Variants in SMARCC2 observed in about 807,000 individuals in gnomAD.
The protein encoded by SMARCC2 is SWI/SNF related BAF chromatin remodeling complex subunit C2, also known as SWI/SNF complex subunit SMARCC2.
SMARCC2 carries 15 observed loss-of-function variants against 151.3 expected under a neutral mutation model. The observed-to-expected ratio is 0.10, with a 90% confidence interval of 0.07 to 0.15. SMARCC2 has a LOEUF of 0.15. SMARCC2 is among the 10% of genes least tolerant of loss of function. The probability of loss-of-function intolerance (pLI) is 1.00; values close to 1 mark genes in which losing one functional copy is unlikely to be tolerated. For missense variants in SMARCC2, 1,031 were observed against 1,599.7 expected (o/e 0.64, Z 6.06); for synonymous variants, 590 against 609.5 (o/e 0.97, Z 0.47).
At chr12:56,186,087 T>A (rs1029395736) in intron 3 of SMARCC2, 68 bp downstream of exon 3, 6 of 1,114,590 alleles carry the variant, frequency 5.4e-6, no homozygotes, top group Middle Eastern at 2.0e-4. Context: ...CCCAGAAAGA[T>A]CCCAGGGAAT....
At chr12:56,166,356 T>C (rs1184564946) in intron 26 of SMARCC2, among the ~76,000 whole-genome samples, 5 of 151,994 alleles carry the variant, frequency 3.3e-5, no homozygotes, top group African/African-American at 1.2e-4. Context: ...TTCACCATGT[T>C]AGCCAGGATG....
intron 11 of SMARCC2, among the ~76,000 whole-genome samples, chr12:56,179,921 G>A (rs1288431429): frequency 2.6e-5 from 4 of 152,020 alleles, no homozygotes; most frequent in Admixed American, 6.6e-5. Flanking sequence ...TCTTGACCTC[G>A]TGATCCGCCT....
chr12:56,169,888 A>G lies in SMARCC2; in HGVS notation c.2436T>C (p.Ala812=). The change falls in exon 24 of 29, where the codon GCT becomes GCC. Residue 812 remains alanine, a synonymous_variant. Transcript: ENST00000550164. ...TTTTCTCTTTTGCTTCCTCCTCTAT[A>G]GCACCCCCTCCTTCTCGGGGTTCCT... ...EPKEPREGGG[A]IEEEAKEKTS... is the part of the protein sequence containing the mutation. 6.2e-7 allele frequency: 1 copy of G among 1,613,522 alleles called. No homozygotes were observed. The highest frequency in any genetic ancestry group is 2.2e-5 in the East Asian group (1 of 44,878).
At position 56,181,232 on chromosome 12, in the gene SMARCC2, T is replaced by C. The variant is rs1020592009; in HGVS notation, c.957-131A>G. The C allele has an allele frequency of 6.8e-6, 6 of 888,714 alleles. No homozygotes were observed. In the Admixed American group the frequency reaches 1.4e-4, roughly 20 times the overall value. The allele number at this position is 888,714 out of a possible 1,614,324, so 55.1% of individuals were successfully genotyped here. On this transcript the variant is annotated intron_variant, in intron 10 of 28. Coordinates refer to ENST00000550164, the MANE Select transcript of SMARCC2 (RefSeq NM_001330288.2). ...GCTGAGTACAAACAGAAACCAGTAA[T>C]CACACAGTAATGGGAAGTGGCAAAG... is the stretch of plus-strand genomic sequence containing the variant.
intron 2 of SMARCC2, chr12:56,186,521 T>C (rs1034361011): frequency 2.6e-6 from 1 of 386,160 alleles, no homozygotes; most frequent in African/African-American, 2.1e-5. Context: ...CGGCTAATTT[T>C]GTATTTTTAG....
chr12:56,172,267 A>G (rs1874093846), intron 20 of SMARCC2, 161 bp downstream of exon 20: 1 of 619,008 alleles, frequency 1.6e-6, no homozygotes, highest in Admixed American at 3.5e-5. Flanking sequence ...TTTTTCGTAG[A>G]GACGGAGTCT....
At chr12:56,187,034 G>C (rs1006620499) in intron 2 of SMARCC2, 153 bp downstream of exon 2, 1 of 667,596 alleles carries the variant, frequency 1.5e-6, no homozygotes, top group African/African-American at 1.8e-5. Context: ...ACTAGGCCAA[G>C]CCAATAATGC....
chr12:56,188,213 T>C (rs1565927321), intron 1 of SMARCC2, among the ~76,000 whole-genome samples: 1 of 152,148 alleles, frequency 6.6e-6, no homozygotes, highest in Non-Finnish European at 1.5e-5. Flanking sequence ...TAGCCTGATC[T>C]CCCTGCAAAA....
rs1873898049 is a variant in SMARCC2 at position 56,171,242 on chromosome 12, A to G, written c.2347+29T>C. ...GGTAGCTCTGGATCTTGTGAAAGGC[A>G]AGAAATCTGGGAACCTGCCTGGCCT... On this transcript the variant is annotated intron_variant, in intron 22 of 28. Coordinates refer to ENST00000550164, the MANE Select transcript of SMARCC2 (RefSeq NM_001330288.2). This position sits in a 1 kb window ranked among gnomAD's most constrained non-coding sequence, Gnocchi z 4.2. The G allele has an allele frequency of 1.2e-6, 2 of 1,611,074 alleles. No individual in the cohort carries two copies. The highest frequency in any genetic ancestry group is 8.5e-7 in the Non-Finnish European group (1 of 1,177,632).
chr12:56,188,093 G>GT lies in SMARCC2; in HGVS notation c.112-788dup, dbSNP rs147796814. ...AGAAGACAGTGCCTCTCAGTGAGAG[G>GT]TGAAAAGAGATAGATCTGTGAAGGG... On this transcript the variant is annotated intron_variant, in intron 1 of 28. Coordinates refer to ENST00000550164, the MANE Select transcript of SMARCC2 (RefSeq NM_001330288.2). 2.5e-3 allele frequency among the ~76,000 whole-genome samples: 378 copies of GT among 152,304 alleles called. 3 individuals are homozygous for GT. The highest frequency in any genetic ancestry group is 8.7e-3 in the African/African-American group (361 of 41,564).
chr12:56,164,844 A>G lies in SMARCC2; in HGVS notation c.3233-113T>C, dbSNP rs1197290605. On this transcript the variant is annotated intron_variant, in intron 27 of 28. Transcript: ENST00000550164. ...TCACTCTGTCACCAGGCTGGAGTGC[A>G]GTGGCACGATCTTGGCTCACTGCAA... 3 of 915,304 alleles carry G rather than the reference A, an allele frequency of 3.3e-6. No homozygotes were observed. In the East Asian group the frequency reaches 7.9e-5, roughly 24 times the overall value. 56.7% of individuals were successfully genotyped at this position (915,304 alleles called of 1,614,324 possible).
intron 10 of SMARCC2, 77 bp from the exon 11 acceptor site, chr12:56,181,178 G>A: frequency 6.9e-7 from 1 of 1,450,858 alleles, no homozygotes; most frequent in Non-Finnish European, 9.5e-7. Flanking sequence ...TTCAAGGGAA[G>A]GGAAGTGACA....
chr12:56,180,854 A>AT, intron 11 of SMARCC2, 123 bp downstream of exon 11: 1 of 1,030,780 alleles, frequency 9.7e-7, no homozygotes, highest in Non-Finnish European at 1.4e-6. Context: ...AACCAGCTAA[A>AT]TTTAAGGAAA....
At chr12:56,167,296 G>A (rs984809950) in intron 26 of SMARCC2, among the ~76,000 whole-genome samples, 16 of 151,558 alleles carry the variant, frequency 1.1e-4, no homozygotes, top group South Asian at 2.1e-4. Context: ...TGTGGTGAGC[G>A]AAGATCACAC....
chr12:56,171,986 C>T lies in SMARCC2; in HGVS notation c.1927-49G>A, dbSNP rs377684873. 38 of 1,533,974 alleles carry T rather than the reference C, an allele frequency of 2.5e-5. No homozygotes were observed. The highest frequency in any genetic ancestry group is 5.9e-5 in the Admixed American group (3 of 51,250). On this transcript the variant is annotated intron_variant, in intron 20 of 28. Coordinates refer to ENST00000550164, the MANE Select transcript of SMARCC2 (RefSeq NM_001330288.2). The surrounding 1 kb of genome is among the most constrained non-coding windows in gnomAD (Gnocchi z 4.2). ...ACTCCGCTTACTTAGCCACTTTTCT[C>T]GAAGGCTGACTCCCCCCATCCTACT...
rs1365313992 is a variant in SMARCC2, at chr12:56,168,181, A to T, written c.2729T>A (p.Val910Asp). The change falls in exon 26 of 29, where the codon GTT becomes GAT. Residue 910 changes from valine to aspartate, a missense_variant. Coordinates refer to ENST00000550164, the MANE Select transcript of SMARCC2 (RefSeq NM_001330288.2). ...AAVKAKHLAA[V>D]EERKIKSLVA... ...CAAAGATTTGATCTTCCTTTCCTCAACAGCAGCCAAGTGCTAGGGAAGGAG... is the reference window on the plus strand; with the variant it reads ...CAAAGATTTGATCTTCCTTTCCTCATCAGCAGCCAAGTGCTAGGGAAGGAG... The T allele has an allele frequency of 6.2e-7, 1 of 1,613,962 alleles. No individual in the cohort carries two copies.
At chr12:56,178,324 G>A in intron 14 of SMARCC2, 80 bp downstream of exon 14, 2 of 1,508,044 alleles carry the variant, frequency 1.3e-6, no homozygotes, top group South Asian at 1.1e-5. Flanking sequence ...CTTATTTGGA[G>A]GAGGCAGGGA....
At chr12:56,174,971 T>G (rs993699044) in intron 15 of SMARCC2, among the ~76,000 whole-genome samples, 3 of 152,210 alleles carry the variant, frequency 2.0e-5, no homozygotes, top group Non-Finnish European at 4.4e-5. Flanking sequence ...TGGGGTTTTC[T>G]TTAAATGAAT....
At chr12:56,183,079 A>G (rs1393673199) in intron 7 of SMARCC2, among the ~76,000 whole-genome samples, 1 of 151,808 alleles carries the variant, frequency 6.6e-6, no homozygotes, top group East Asian at 1.9e-4. Context: ...GGCTCAAGCA[A>G]TCTGCCCACC....
Sources: gnomAD v4.1 joint callset for allele counts (sites outside exome capture counted in the v4.1 genomes callset) on GRCh38, gnomAD v4.1.1 for gene constraint, Gnocchi (gnomAD v3.1) non-coding constraint, MANE v1.5 for transcripts, NCBI Gene and HGNC (gene_info 2026-07-23, HGNC 2026-07-21) for gene names.